Variants in ARHGAP28 observed in about 807,000 individuals in gnomAD.
ARHGAP28 encodes rho GTPase-activating protein 28.
A neutral mutation model predicts 90.7 loss-of-function variants in ARHGAP28; 56 were observed. The ratio of observed to expected loss-of-function variants is 0.62; its 90% CI spans 0.50 to 0.77. ARHGAP28 has a LOEUF of 0.77. ARHGAP28 is among the 30% of genes least tolerant of loss of function. ARHGAP28 has a pLI of 0.00. For synonymous variants in ARHGAP28, 308 were observed against 323.3 expected (o/e 0.95, Z 0.51); for missense variants, 869 against 900.9 (o/e 0.96, Z 0.45).
chr18:6,755,811 G>A (rs1215930782), intron 1 of ARHGAP28, among the ~76,000 whole-genome samples: 1 of 152,138 alleles, frequency 6.6e-6, no homozygotes, highest in African/African-American at 2.4e-5. Context: ...ACCAGCATTT[G>A]AGCAATTTCT....
chr18:6,744,143 A>T (rs2056002640), intron 1 of ARHGAP28, among the ~76,000 whole-genome samples: 1 of 152,214 alleles, frequency 6.6e-6, no homozygotes, highest in African/African-American at 2.4e-5. Flanking sequence ...GGAGGAGTCG[A>T]TAGCTCAATT....
At chr18:6,798,681 G>A (rs1268473990) in intron 1 of ARHGAP28, among the ~76,000 whole-genome samples, 1 of 152,134 alleles carries the variant, frequency 6.6e-6, no homozygotes, top group Non-Finnish European at 1.5e-5. Flanking sequence ...GGACTTCGGG[G>A]ACTCAGAGGG....
Position 6,767,330 on chromosome 18 carries a change from A to C in ARHGAP28, c.122+37387A>C, listed in dbSNP as rs191417515. 3.5e-4 allele frequency among the ~76,000 whole-genome samples: 54 copies of C among 152,124 alleles called. No homozygotes were observed. In the East Asian group the frequency reaches 9.9e-3, roughly 28 times the overall value. On this transcript the variant is annotated intron_variant, in intron 1 of 17. Transcript: ENST00000383472. ...TAAAATACATTATCATTTTTGTTTC[A>C]TACAGTCAATTTTATTTTAAAGAAA...
At chr18:6,862,287 G>T (rs773177134) in intron 5 of ARHGAP28, among the ~76,000 whole-genome samples, 3 of 152,080 alleles carry the variant, frequency 2.0e-5, no homozygotes, top group Non-Finnish European at 2.9e-5. Flanking sequence ...GGCTTCAGGG[G>T]TCCTGTCTGT....
intron 12 of ARHGAP28, among the ~76,000 whole-genome samples, chr18:6,888,840 T>C (rs1289435524): frequency 6.6e-6 from 1 of 152,144 alleles, no homozygotes; most frequent in East Asian, 1.9e-4. Context: ...TTTTTTATTC[T>C]AAATTGTGAC....
intron 1 of ARHGAP28, among the ~76,000 whole-genome samples, chr18:6,756,508 A>G (rs1011845719): frequency 6.6e-6 from 1 of 152,214 alleles, no homozygotes; most frequent in Non-Finnish European, 1.5e-5. Context: ...GATCATGATG[A>G]TTTAATCAAA....
chr18:6,750,866 T>C (rs2056063309), intron 1 of ARHGAP28, among the ~76,000 whole-genome samples: 1 of 152,240 alleles, frequency 6.6e-6, no homozygotes, highest in Non-Finnish European at 1.5e-5. Context: ...GCACTTGACA[T>C]TATCTAGAAA....
intron 6 of ARHGAP28, 41 bp downstream of exon 6, chr18:6,868,275 T>TC (rs759856849): frequency 6.4e-7 from 1 of 1,557,596 alleles, no homozygotes; most frequent in South Asian, 1.1e-5. Context: ...CTGTGTCTTC[T>TC]CGCTTTTGTT....
intron 2 of ARHGAP28, among the ~76,000 whole-genome samples, chr18:6,827,500 C>T (rs1326869001): frequency 3.5e-5 from 5 of 142,674 alleles, no homozygotes; most frequent in Admixed American, 2.0e-4. Flanking sequence ...CGGGCAGAGG[C>T]GCCCCTCACC....
intron 16 of ARHGAP28, among the ~76,000 whole-genome samples, chr18:6,908,596 G>C (rs2057377171): frequency 6.6e-6 from 1 of 152,170 alleles, no homozygotes; most frequent in African/African-American, 2.4e-5. Flanking sequence ...TGGATTGAGA[G>C]TAATATGGCC....
intron 9 of ARHGAP28, among the ~76,000 whole-genome samples, chr18:6,875,562 T>C (rs1184016713): frequency 6.6e-6 from 1 of 152,214 alleles, no homozygotes; most frequent in East Asian, 1.9e-4. Context: ...GAGGATTAGA[T>C]GAGTTAATGC....
intron 14 of ARHGAP28, among the ~76,000 whole-genome samples, chr18:6,894,337 G>A (rs1051994798): frequency 6.6e-6 from 1 of 152,188 alleles, no homozygotes; most frequent in Non-Finnish European, 1.5e-5. Flanking sequence ...GAACATGCAG[G>A]TGTATAAACC....
At chr18:6,774,501 G>A (rs2056268264) in intron 1 of ARHGAP28, among the ~76,000 whole-genome samples, 1 of 152,160 alleles carries the variant, frequency 6.6e-6, no homozygotes, top group Non-Finnish European at 1.5e-5. Flanking sequence ...AGTCCTATTA[G>A]TAATTTGAGA....
At chr18:6,837,904 G>GATTC (rs1360090995) in intron 3 of ARHGAP28, among the ~76,000 whole-genome samples, 1 of 152,120 alleles carries the variant, frequency 6.6e-6, no homozygotes, top group Non-Finnish European at 1.5e-5. Flanking sequence ...GCAAGAGAAT[G>GATTC]ATTCAGAAAA....
chr18:6,849,797 A>G (rs2056895274), intron 3 of ARHGAP28, among the ~76,000 whole-genome samples: 1 of 152,176 alleles, frequency 6.6e-6, no homozygotes, highest in Non-Finnish European at 1.5e-5. Flanking sequence ...TTGTTGGAGA[A>G]CTGAATATCA....
chr18:6,867,508 T>C (rs2163465), intron 5 of ARHGAP28, among the ~76,000 whole-genome samples: 130,297 of 152,130 alleles, frequency 0.86, 56,203 homozygotes, highest in Non-Finnish European at 0.92. Flanking sequence ...TAGGCAGGAG[T>C]TTGCTTCACA....
chr18:6,780,454 C>G (rs2056315359), intron 1 of ARHGAP28, among the ~76,000 whole-genome samples: 1 of 152,054 alleles, frequency 6.6e-6, no homozygotes, highest in Non-Finnish European at 1.5e-5. Context: ...AAGTTATATG[C>G]AAACACTACG....
intron 1 of ARHGAP28, among the ~76,000 whole-genome samples, chr18:6,783,830 G>T (rs2056346154): frequency 6.6e-6 from 1 of 152,024 alleles, no homozygotes; most frequent in Non-Finnish European, 1.5e-5. Context: ...GGAAAACTGC[G>T]TTCCTCTATT....
intron 1 of ARHGAP28, among the ~76,000 whole-genome samples, chr18:6,800,120 A>G (rs1423274857): frequency 2.0e-5 from 3 of 152,346 alleles, no homozygotes; most frequent in East Asian, 3.9e-4. Context: ...GCTCATCATC[A>G]CTGGTCATTA....
Sources: gnomAD v4.1 joint callset for allele counts (sites outside exome capture counted in the v4.1 genomes callset) on GRCh38, gnomAD v4.1.1 for gene constraint, MANE v1.5 for transcripts, NCBI Gene and HGNC (gene_info 2026-07-23, HGNC 2026-07-21) for gene names.